The following NFIC variants were observed in gnomAD, a reference collection of about 807,000 sequenced individuals.
NFIC encodes nuclear factor 1 C-type.
In NFIC, 12 loss-of-function variants were observed where a neutral mutation model predicts 54.4. The observed-to-expected ratio is 0.22, with a 90% CI of 0.14 to 0.36. NFIC has a LOEUF of 0.36. NFIC is among the 10% of genes least tolerant of loss of function. The pLI is 1.00. For missense variants in NFIC, 575 were observed against 718.2 expected (o/e 0.80, Z 2.28); for synonymous variants, 322 against 319.2 (o/e 1.01, Z -0.09).
chr19:3,460,744 C>T (rs1418149361), intron 10 of NFIC, among the ~76,000 whole-genome samples: 3 of 151,926 alleles, frequency 2.0e-5, no homozygotes, highest in Non-Finnish European at 4.4e-5. Flanking sequence ...GAACCCCTGA[C>T]CTCAGGTGAT....
At position 3,467,489 on chromosome 19, in the gene NFIC, C is replaced by G. The variant is rs2121994357; in HGVS notation, c.*4720C>G. On this transcript the variant is annotated 3_prime_UTR_variant, in exon 11 of 11. Coordinates refer to ENST00000443272, the MANE Select transcript of NFIC (RefSeq NM_001245002.2). ...GATCCCAAAGGAATGCCAAAGGGGA[C>G]TCGGTTGGGAGAGCCGCTTAGGGGC... is the stretch of plus-strand genomic sequence containing the variant. 6.6e-6 allele frequency: 1 copy of G among 151,700 alleles called. No homozygotes were observed. Among genetic ancestry groups the G allele is most frequent in the East Asian group, 2.0e-4 (1 of 5,086 alleles). 9.4% of individuals were successfully genotyped at this position (151,700 alleles called of 1,614,324 possible). A position where few individuals can be genotyped will look rare whatever the true frequency, so the allele number is the denominator to read the frequency against.
chr19:3,425,420 A>G (rs527891965), intron 3 of NFIC, among the ~76,000 whole-genome samples: 7 of 152,294 alleles, frequency 4.6e-5, no homozygotes, highest in Admixed American at 3.9e-4. Flanking sequence ...CTACGGTCCC[A>G]TGGGACGTTT....
Position 3,375,092 on chromosome 19 carries a change from A to G in NFIC, c.31-6620A>G, listed in dbSNP as rs752236441. On this transcript the variant is annotated intron_variant, in intron 1 of 10. Coordinates refer to ENST00000443272, the MANE Select transcript of NFIC (RefSeq NM_001245002.2). This position sits in a 1 kb window ranked among gnomAD's most constrained non-coding sequence, Gnocchi z 4.6. Reference sequence around the variant, plus strand: ...TACGAGGGGCCAGATGAGAAAAGGAATTAAGAGGAGAGGGGAAGTGGGGAG... The same window carrying G: ...TACGAGGGGCCAGATGAGAAAAGGAGTTAAGAGGAGAGGGGAAGTGGGGAG... Among the ~76,000 whole-genome samples, 2 of 142,574 alleles carry G rather than the reference A, an allele frequency of 1.4e-5. No homozygotes were observed. The highest frequency in any genetic ancestry group is 3.0e-5 in the Non-Finnish European group (2 of 66,028). The allele number at this position is 142,574 out of a possible 152,430, so 93.5% of individuals were successfully genotyped here.
At chr19:3,425,030 A>C in intron 2 of NFIC, 76 bp from the exon 3 acceptor site, 1 of 1,508,086 alleles carries the variant, frequency 6.6e-7, no homozygotes, top group Non-Finnish European at 9.1e-7. Flanking sequence ...GACTGGGGCC[A>C]CCAGCATCGA....
Position 3,432,486 on chromosome 19 carries a change from C to T in NFIC, c.635-1032C>T, listed in dbSNP as rs143031216. On this transcript the variant is annotated intron_variant, in intron 3 of 10. Transcript: ENST00000443272. ...TCTCGAAGGGTGACAGTGTGTAAAG[C>T]AAGCCAGCTGCCCCTCCCAGGCAGT... Among the ~76,000 whole-genome samples, 637 of 152,168 alleles carry T rather than the reference C, an allele frequency of 4.2e-3. 10 individuals are homozygous for T. Among genetic ancestry groups the T allele is most frequent in the South Asian group, 0.034 (163 of 4,814 alleles).
chr19:3,433,122 A>G (rs535907209), intron 3 of NFIC, among the ~76,000 whole-genome samples: 18 of 151,832 alleles, frequency 1.2e-4, no homozygotes, highest in African/African-American at 3.9e-4. Flanking sequence ...GGACCACAAC[A>G]CCTGGCTAAT....
intron 9 of NFIC, among the ~76,000 whole-genome samples, chr19:3,455,079 C>T (rs151204292): frequency 2.7e-4 from 41 of 152,316 alleles, no homozygotes; most frequent in Non-Finnish European, 2.8e-4. Context: ...GGGGACAAGC[C>T]GGTGACATGG....
At chr19:3,394,027 C>T (rs182671048) in intron 2 of NFIC, among the ~76,000 whole-genome samples, 56 of 151,654 alleles carry the variant, frequency 3.7e-4, no homozygotes, top group Admixed American at 6.6e-4. Flanking sequence ...ACTGCAACCT[C>T]CACCTCCTGG....
chr19:3,464,474 G>C lies in NFIC; in HGVS notation c.*1705G>C. The stretch of plus-strand genomic sequence containing the variant: ...CCATCTTTAGGGGAGGCCTGGGAGG[G>C]GGTGTTAGGTGTTTTAGGGCCACCG... On this transcript the variant is annotated 3_prime_UTR_variant, in exon 11 of 11. Coordinates refer to ENST00000443272, the MANE Select transcript of NFIC (RefSeq NM_001245002.2). 2 of 983,070 alleles carry C rather than the reference G, an allele frequency of 2.0e-6. No homozygotes were observed. Among genetic ancestry groups the C allele is most frequent in the Non-Finnish European group, 1.2e-6 (1 of 828,864 alleles). The allele number at this position is 983,070 out of a possible 1,614,324, so 60.9% of individuals were successfully genotyped here.
rs2081093851 is a variant in NFIC, at chr19:3,375,637, G to A, written c.31-6075G>A. Among the ~76,000 whole-genome samples the A allele has an allele frequency of 6.6e-6, 1 of 152,228 alleles. No homozygotes were observed. Among genetic ancestry groups the A allele is most frequent in the Non-Finnish European group, 1.5e-5 (1 of 68,026 alleles). On this transcript the variant is annotated intron_variant, in intron 1 of 10. Transcript: ENST00000443272. This position sits in a 1 kb window ranked among gnomAD's most constrained non-coding sequence, Gnocchi z 4.6. ...TGTTACGGTGACTCACGCTTTGGGG[G>A]ACATTGGGGTGGGGGAGCTTCGCTG...
At position 3,369,914 on chromosome 19, in the gene NFIC, C is replaced by T. The variant is rs778543346; in HGVS notation, c.30+3248C>T. ...TTCATTCGTTCGTCCCATGCCCTCT[C>T]GGAGCACAATGTGCTTTGCTGCCAT... On this transcript the variant is annotated intron_variant, in intron 1 of 10. Transcript: ENST00000443272. The surrounding 1 kb of genome is among the most constrained non-coding windows in gnomAD (Gnocchi z 4.3). Among the ~76,000 whole-genome samples the T allele has an allele frequency of 2.6e-5, 4 of 152,208 alleles. No homozygotes were observed. Among genetic ancestry groups the T allele is most frequent in the Non-Finnish European group, 5.9e-5 (4 of 68,032 alleles).
At position 3,369,126 on chromosome 19, in the gene NFIC, T is replaced by A. The variant is rs930691522; in HGVS notation, c.30+2460T>A. Reference sequence around the variant, plus strand: ...TCCCTTTCTCCTCTTTGTCTCTGCATGTCTCTTTGATGTGTCTCTGTCTCT... The same window carrying A: ...TCCCTTTCTCCTCTTTGTCTCTGCAAGTCTCTTTGATGTGTCTCTGTCTCT... On this transcript the variant is annotated intron_variant, in intron 1 of 10. Coordinates refer to ENST00000443272, the MANE Select transcript of NFIC (RefSeq NM_001245002.2). The surrounding 1 kb of genome is among the most constrained non-coding windows in gnomAD (Gnocchi z 4.3). 4.6e-5 allele frequency among the ~76,000 whole-genome samples: 7 copies of A among 151,848 alleles called. No individual in the cohort carries two copies. Among genetic ancestry groups the A allele is most frequent in the African/African-American group, 1.7e-4 (7 of 41,314 alleles).
rs542124587 is a variant in NFIC at position 3,437,893 on chromosome 19, G to C, written c.958+2686G>C. On this transcript the variant is annotated intron_variant, in intron 6 of 10. Coordinates refer to ENST00000443272, the MANE Select transcript of NFIC (RefSeq NM_001245002.2). ...GGTTTTTACTATGTTGGCCAGGCTG[G>C]TCTTGAACTCCTGACCTCAAGTGAT... Among the ~76,000 whole-genome samples, 408 of 152,008 alleles carry C rather than the reference G, an allele frequency of 2.7e-3. 2 individuals carry two copies. The highest frequency in any genetic ancestry group is 4.6e-3 in the Non-Finnish European group (312 of 67,984).
Position 3,459,825 on chromosome 19 carries a change from G to A in NFIC, c.1510-2927G>A, listed in dbSNP as rs561557327. Reference sequence around the variant, plus strand: ...GTGGGGCGCTGGGAACCACTGTGGCGCCAGTTCCATGGGCTGGCCCAGTGG... The same window carrying A: ...GTGGGGCGCTGGGAACCACTGTGGCACCAGTTCCATGGGCTGGCCCAGTGG... On this transcript the variant is annotated intron_variant, in intron 10 of 10. Transcript: ENST00000443272. The surrounding 1 kb of genome is among the most constrained non-coding windows in gnomAD (Gnocchi z 4.2). Among the ~76,000 whole-genome samples, 8 of 152,350 alleles carry A rather than the reference G, an allele frequency of 5.3e-5. No homozygotes were observed. The highest frequency in any genetic ancestry group is 2.1e-4 in the South Asian group (1 of 4,826).
chr19:3,395,486 TG>T (rs1419467975), intron 2 of NFIC, among the ~76,000 whole-genome samples: 1 of 133,298 alleles, frequency 7.5e-6, no homozygotes, highest in Non-Finnish European at 1.6e-5. Flanking sequence ...CATACCACCA[TG>T]GTTGATTTTT....
Position 3,453,833 on chromosome 19 carries a change from C to T in NFIC, c.1340C>T (p.Pro447Leu), listed in dbSNP as rs199905745. The T allele has an allele frequency of 4.5e-5, 72 of 1,592,614 alleles. No individual in the cohort carries two copies. In the Middle Eastern group the frequency reaches 6.6e-4, roughly 15 times the overall value. ...GCTCAGATGCTGGCACCTCCGCCCCCGGGGCTGCCACGGCTGGCGCTCCCC... is the reference window on the plus strand; with the variant it reads ...GCTCAGATGCTGGCACCTCCGCCCCTGGGGCTGCCACGGCTGGCGCTCCCC... ...LSAQMLAPPP[P>L]GLPRLALPPA... Residue 447 changes from proline (P) to leucine (L), a missense_variant, in exon 9 of 11, where the codon CCG (proline) becomes CTG (leucine). Around this residue, in one of 3 missense-constraint regions of NFIC, gnomAD observed 447 missense variants for 526.9 expected, o/e 0.85. Transcript: ENST00000443272. The surrounding 1 kb of genome is among the most constrained non-coding windows in gnomAD (Gnocchi z 6.7).
At chr19:3,366,811 G>T (rs1453642982) in intron 1 of NFIC, 145 bp downstream of exon 1, 2 of 530,876 alleles carry the variant, frequency 3.8e-6, no homozygotes, top group Non-Finnish European at 6.3e-6. Context: ...GCCGAGGGCT[G>T]GGGTCCGGTG....
chr19:3,388,655 C>CG (rs1013963418), intron 2 of NFIC, among the ~76,000 whole-genome samples: 1 of 150,578 alleles, frequency 6.6e-6, no homozygotes, highest in Non-Finnish European at 1.5e-5. Flanking sequence ...CGACCATGCC[C>CG]CCCCCCAACA....
chr19:3,446,582 A>G (rs754238967), intron 6 of NFIC, among the ~76,000 whole-genome samples: 17 of 152,230 alleles, frequency 1.1e-4, no homozygotes, highest in Non-Finnish European at 2.5e-4. Context: ...GGATGGTCTC[A>G]GTAGATATGT....
Sources: allele counts gnomAD v4.1 joint callset (sites outside exome capture counted in the v4.1 genomes callset), GRCh38; gene constraint gnomAD v4.1.1; regional missense constraint gnomAD v4.1.1; non-coding constraint Gnocchi (gnomAD v3.1); transcripts MANE v1.5; gene names NCBI Gene and HGNC (gene_info 2026-07-23, HGNC 2026-07-21).